Variants in ADAR observed in about 807,000 individuals in gnomAD.
The protein encoded by ADAR is double-stranded RNA-specific adenosine deaminase.
In ADAR, 41 loss-of-function variants were observed where a neutral mutation model predicts 113.2. The observed-to-expected ratio is 0.36, with a 90% CI of 0.28 to 0.47. The LOEUF (loss-of-function observed/expected upper bound fraction) is 0.47. Among genes scored for constraint, ADAR ranks in the 20% least tolerant of loss-of-function variants. ADAR has a pLI of 1.00. For missense variants in ADAR, 1,242 were observed against 1,540.9 expected (o/e 0.81, Z 3.25); for synonymous variants, 605 against 572.6 (o/e 1.06, Z -0.81).
At chr1:154,608,831 G>GGC (rs1553215830), upstream of ADAR, 2 of 150,898 alleles carry the variant, frequency 1.3e-5, 1 homozygote, top group Non-Finnish European at 3.0e-5. Flanking sequence ...AATGTGGAGG[G>GGC]GGGGGGGAGG....
intron 6 of ADAR, among the ~76,000 whole-genome samples, chr1:154,591,018 A>G (rs764469946): frequency 6.6e-6 from 1 of 152,210 alleles, no homozygotes; most frequent in African/African-American, 2.4e-5. Flanking sequence ...AAAAAGAGAT[A>G]AAAATGTAAA....
chr1:154,592,245 T>C (rs1177206787), intron 6 of ADAR, among the ~76,000 whole-genome samples: 1 of 152,144 alleles, frequency 6.6e-6, no homozygotes, highest in Non-Finnish European at 1.5e-5. Flanking sequence ...ATCCTTAAAG[T>C]CTCAGCTCAG....
Position 154,588,538 on chromosome 1 carries a change from G to T in ADAR, c.2885+13C>A. 6.2e-7 allele frequency: 1 copy of T among 1,613,472 alleles called. No homozygotes were observed. The highest frequency in any genetic ancestry group is 1.3e-5 in the African/African-American group (1 of 75,026). The stretch of plus-strand genomic sequence containing the variant: ...GCAGGGCCCACCCTGGCAGCAACAG[G>T]AACTGTACAGACCTGATATACAGAT... On this transcript the variant is annotated intron_variant, in intron 10 of 14. Transcript: ENST00000368474.
chr1:154,586,258 C>A lies in ADAR; in HGVS notation c.3125G>T (p.Arg1042Leu). ...CCCTTGCAGGCCCAGCACGTTCCAG[C>A]GTAGGATTTTGTCACTACAGGACAT... ...RTMSCSDKIL[R>L]WNVLGLQGAL... Residue 1042 changes from arginine to leucine, a missense_variant, in exon 12 of 15, where the codon CGC becomes CTC. Coordinates refer to ENST00000368474, the MANE Select transcript of ADAR (RefSeq NM_001111.5). 2 of 1,614,210 alleles carry A rather than the reference C, an allele frequency of 1.2e-6. No homozygotes were observed. The highest frequency in any genetic ancestry group is 8.5e-7 in the Non-Finnish European group (1 of 1,180,036).
chr1:154,590,613 TATTA>T (rs1432119996), intron 6 of ADAR, among the ~76,000 whole-genome samples: 2 of 152,140 alleles, frequency 1.3e-5, no homozygotes, highest in Non-Finnish European at 2.9e-5. Flanking sequence ...TTACTTGGAC[TATTA>T]ATTAATATTT....
Position 154,586,800 on chromosome 1 carries a change from G to A in ADAR, c.3020-437C>T, listed in dbSNP as rs574289587. 3.3e-5 allele frequency among the ~76,000 whole-genome samples: 5 copies of A among 152,254 alleles called. No individual in the cohort carries two copies. The East Asian group carries it at 9.7e-4, about 29-fold the overall frequency. On this transcript the variant is annotated intron_variant, in intron 11 of 14. Coordinates refer to ENST00000368474, the MANE Select transcript of ADAR (RefSeq NM_001111.5). ...ACAGGACAAAAGCAAAGGCCCCAAG[G>A]CAGCCAGCGGATTGGCTGTTCAGGC...
intron 6 of ADAR, among the ~76,000 whole-genome samples, chr1:154,593,282 G>A (rs749445270): frequency 3.3e-5 from 5 of 152,016 alleles, no homozygotes; most frequent in Admixed American, 6.6e-5. Context: ...GTTAATAAAC[G>A]TAGTTACTCA....
In ADAR at chr1:154,590,185, G is replaced by T; in HGVS notation, c.2495C>A (p.Thr832Lys). ...LSRSPEAQPK[T>K]LPLTGSTFHD... is the part of the protein sequence containing the mutation. ...GGCACCAAAAGTAGACGTCTTAACTGTCTTTGGCTGTGCTTCTGGGGACCT... is the reference window on the plus strand; with the variant it reads ...GGCACCAAAAGTAGACGTCTTAACTTTCTTTGGCTGTGCTTCTGGGGACCT... The change falls in exon 7 of 15, where the codon ACA (threonine) becomes AAA (lysine). Residue 832 changes from threonine (T) to lysine (K), a missense_variant and splice_region_variant. By Grantham distance (78) the Thr-to-Lys change is moderately conservative (BLOSUM62 -1). Coordinates refer to ENST00000368474, the MANE Select transcript of ADAR (RefSeq NM_001111.5). 1 of 1,601,042 alleles carries T rather than the reference G, an allele frequency of 6.2e-7. No homozygotes were observed. The highest frequency in any genetic ancestry group is 8.5e-7 in the Non-Finnish European group (1 of 1,173,662).
chr1:154,615,519 C>T (rs1571144068), intron 1 of ADAR, among the ~76,000 whole-genome samples: 1 of 152,210 alleles, frequency 6.6e-6, no homozygotes, highest in African/African-American at 2.4e-5. Flanking sequence ...AAGCAATCCT[C>T]CTGCCTCAGC....
chr1:154,586,632 T>C (rs1696783704), intron 11 of ADAR, among the ~76,000 whole-genome samples: 1 of 152,134 alleles, frequency 6.6e-6, no homozygotes, highest in Non-Finnish European at 1.5e-5. Flanking sequence ...AGCCAGTACA[T>C]ACGGAAGAAT....
intron 13 of ADAR, 101 bp downstream of exon 13, chr1:154,585,652 G>A: frequency 9.3e-7 from 1 of 1,078,766 alleles, no homozygotes. Context: ...CTACCACTGT[G>A]GGCAATGTTC....
chr1:154,612,326 T>G (rs1488561846), upstream of ADAR, among the ~76,000 whole-genome samples: 2 of 128,996 alleles, frequency 1.6e-5, no homozygotes, highest in African/African-American at 5.9e-5. Flanking sequence ...CAGTTTTTTT[T>G]TTTTTTTTTT....
intron 1 of ADAR, among the ~76,000 whole-genome samples, chr1:154,623,616 T>A (rs1698853833): frequency 6.6e-6 from 1 of 152,166 alleles, no homozygotes. Flanking sequence ...CCTATTTCCT[T>A]GTCAGCAATG....
At chr1:154,588,457 A>G (rs1696910270) in intron 10 of ADAR, 94 bp downstream of exon 10, 1 of 1,567,746 alleles carries the variant, frequency 6.4e-7, no homozygotes, top group Non-Finnish European at 8.7e-7. Context: ...GGCTTATTGT[A>G]TCAGGTTCGA....
chr1:154,586,500 G>T, intron 11 of ADAR, 137 bp from the exon 12 acceptor site: 2 of 912,480 alleles, frequency 2.2e-6, no homozygotes, highest in Non-Finnish European at 3.5e-6. Context: ...CCTGCTATGC[G>T]CCAGGCACTA....
chr1:154,589,810 A>G lies in ADAR; in HGVS notation c.2615T>C (p.Ile872Thr), dbSNP rs398122897. The G allele has an allele frequency of 6.2e-7, 1 of 1,614,020 alleles. No individual in the cohort carries two copies. The change falls in exon 8 of 15, where the codon ATC (isoleucine) becomes ACC (threonine). Residue 872 changes from isoleucine (I) to threonine (T), a missense_variant. By Grantham distance (89) the Ile-to-Thr change is moderately conservative. This residue lies in a region of ADAR where 780 missense variants were observed against 1,057.9 expected (regional missense o/e 0.74). Coordinates refer to ENST00000368474, the MANE Select transcript of ADAR (RefSeq NM_001111.5). ...SLLGRKILAA[I>T]IMKKDSEDMG... ...GTCCTCAGAGTCTTTTTTCATAATG[A>G]TGGCGGCCAGAATCTTGCGGCCGAG...
In ADAR at chr1:154,585,258, A is replaced by G; in HGVS notation, c.3402T>C (p.Tyr1134=). The G allele has an allele frequency of 6.2e-7, 1 of 1,614,210 alleles. No homozygotes were observed. Among genetic ancestry groups the G allele is most frequent in the East Asian group, 2.2e-5 (1 of 44,882 alleles). The change falls in exon 14 of 15, where the codon TAT becomes TAC. Residue 1134 remains tyrosine (Y), a synonymous_variant. Transcript: ENST00000368474. The part of the protein sequence containing the change: ...TSVNWCLADG[Y]DLEILDGTRG... ...TGGTACCGTCCAGGATCTCCAGGTC[A>G]TAGCCATCAGCCAGACACCAGTTGA...
At chr1:154,593,970 G>A (rs1413231812) in intron 6 of ADAR, among the ~76,000 whole-genome samples, 2 of 151,662 alleles carry the variant, frequency 1.3e-5, no homozygotes, top group East Asian at 3.9e-4. Context: ...TGCAACTTCC[G>A]CCTCCTGGGT....
At chr1:154,600,835 C>T in intron 2 of ADAR, 2 of 688,274 alleles carry the variant, frequency 2.9e-6, no homozygotes, top group Non-Finnish European at 4.9e-6. Context: ...CCTTGTTCAG[C>T]CAAGATTCTG....
Sources: allele counts gnomAD v4.1 joint callset (sites outside exome capture counted in the v4.1 genomes callset), GRCh38; gene constraint gnomAD v4.1.1; regional missense constraint gnomAD v4.1.1; transcripts MANE v1.5; gene names NCBI Gene and HGNC (gene_info 2026-07-23, HGNC 2026-07-21).